SPOCK3: variants seen among roughly 807,000 people sequenced by gnomAD.
The protein encoded by SPOCK3 is testican-3.
Under a neutral mutation model 56.6 loss-of-function variants are expected in SPOCK3, and 30 were observed. The observed-to-expected ratio is 0.53, with a 90% CI of 0.40 to 0.72. SPOCK3 has a LOEUF of 0.72. Among genes scored for constraint, SPOCK3 ranks in the 30% least tolerant of loss-of-function variants. The pLI, the probability that SPOCK3 is intolerant of heterozygous loss-of-function variation, is 0.00. For missense variants in SPOCK3, 527 were observed against 530.0 expected (o/e 0.99, Z 0.06); for synonymous variants, 196 against 183.3 (o/e 1.07, Z -0.56).
chr4:167,155,387 G>C (rs1481831889), intron 2 of SPOCK3, among the ~76,000 whole-genome samples: 1 of 151,886 alleles, frequency 6.6e-6, no homozygotes, highest in East Asian at 1.9e-4. Flanking sequence ...CAAAGAGCTG[G>C]GATTACAGGC....
intron 4 of SPOCK3, among the ~76,000 whole-genome samples, chr4:166,921,323 ATT>A (rs746455090): frequency 1.4e-4 from 20 of 138,174 alleles, no homozygotes; most frequent in African/African-American, 1.8e-4. Context: ...CATGTGTTGA[ATT>A]TTTTTTTTTT....
At chr4:166,856,377 T>C (rs1317147759) in intron 6 of SPOCK3, among the ~76,000 whole-genome samples, 1 of 152,228 alleles carries the variant, frequency 6.6e-6, no homozygotes, top group Admixed American at 6.5e-5. Context: ...ATATTGAGGC[T>C]ATGCTAATTA....
intron 2 of SPOCK3, among the ~76,000 whole-genome samples, chr4:167,205,326 AATATATATT>A (rs1734023776): frequency 1.5e-4 from 6 of 39,264 alleles, no homozygotes; most frequent in Admixed American, 8.9e-4. Context: ...TTATATATAT[AATATATATT>A]ATATATTATA....
At chr4:166,965,149 A>C (rs996181144) in intron 4 of SPOCK3, among the ~76,000 whole-genome samples, 2 of 151,968 alleles carry the variant, frequency 1.3e-5, no homozygotes. Flanking sequence ...GCTTTTTATT[A>C]TTAATTATTT....
chr4:167,172,001 G>A (rs1027288023), intron 2 of SPOCK3, among the ~76,000 whole-genome samples: 1 of 152,000 alleles, frequency 6.6e-6, no homozygotes, highest in African/African-American at 2.4e-5. Context: ...AGATATGGAA[G>A]GAGATGAACT....
chr4:167,219,116 C>T (rs1735648088), intron 2 of SPOCK3, among the ~76,000 whole-genome samples: 1 of 152,076 alleles, frequency 6.6e-6, no homozygotes, highest in Non-Finnish European at 1.5e-5. Flanking sequence ...AAAAGTTTTG[C>T]CTCAGGGATT....
intron 2 of SPOCK3, among the ~76,000 whole-genome samples, chr4:167,187,684 G>T (rs900068725): frequency 6.6e-6 from 1 of 151,660 alleles, no homozygotes; most frequent in Admixed American, 6.6e-5. Context: ...CTTTTGATTA[G>T]GAACTTCCAT....
chr4:166,800,188 A>AAAAAAAAAATAAAAAAT, intron 6 of SPOCK3, among the ~76,000 whole-genome samples: 1 of 128,498 alleles, frequency 7.8e-6, no homozygotes, highest in African/African-American at 2.6e-5. Context: ...TCTCAGAAAA[A>AAAAAAAAAATAAAAAAT]AAAAAAAAAA....
At chr4:167,095,019 G>A (rs568988349) in intron 2 of SPOCK3, among the ~76,000 whole-genome samples, 5 of 152,174 alleles carry the variant, frequency 3.3e-5, no homozygotes, top group African/African-American at 4.8e-5. Flanking sequence ...CTCTCAGCTC[G>A]AAGACAGTCA....
intron 6 of SPOCK3, among the ~76,000 whole-genome samples, chr4:166,801,395 G>T (rs1023194513): frequency 6.6e-6 from 1 of 152,058 alleles, no homozygotes; most frequent in South Asian, 2.1e-4. Flanking sequence ...ACACATGACC[G>T]TATATGGTAG....
At position 166,948,450 on chromosome 4, in the gene SPOCK3, T is replaced by A. The variant is rs943378845; in HGVS notation, c.351-35707A>T. Among the ~76,000 whole-genome samples the A allele has an allele frequency of 2.0e-5, 3 of 152,294 alleles. No homozygotes were observed. In the South Asian group the frequency reaches 6.2e-4, roughly 32 times the overall value. On this transcript the variant is annotated intron_variant, in intron 4 of 10. Coordinates refer to ENST00000357545, the MANE Select transcript of SPOCK3 (RefSeq NM_001040159.2). ...GAGGAATCTCCACACTATTTTTCCA[T>A]AATGGGAGTACTAATTTGTATTCCT...
intron 6 of SPOCK3, among the ~76,000 whole-genome samples, chr4:166,868,576 A>AG (rs1732116712): frequency 6.6e-6 from 1 of 152,196 alleles, no homozygotes; most frequent in African/African-American, 2.4e-5. Context: ...TAATCTCAGG[A>AG]GGATGACCAT....
intron 4 of SPOCK3, among the ~76,000 whole-genome samples, chr4:166,978,443 C>A (rs531895805): frequency 6.6e-6 from 1 of 152,204 alleles, no homozygotes; most frequent in Admixed American, 6.5e-5. Flanking sequence ...ATTGTTTGAA[C>A]AAAATTTTAA....
At chr4:167,023,070 A>AT (rs948373582) in intron 3 of SPOCK3, among the ~76,000 whole-genome samples, 8 of 150,026 alleles carry the variant, frequency 5.3e-5, no homozygotes, top group East Asian at 2.0e-4. Flanking sequence ...ATGCACAGGA[A>AT]TTTTTTTTTT....
intron 7 of SPOCK3, among the ~76,000 whole-genome samples, chr4:166,766,130 C>A (rs1242348175): frequency 6.6e-6 from 1 of 152,158 alleles, no homozygotes; most frequent in Non-Finnish European, 1.5e-5. Context: ...ATGTCATCTG[C>A]AAACAGGGAC....
chr4:167,152,698 G>A (rs1033218183), intron 2 of SPOCK3, among the ~76,000 whole-genome samples: 3 of 151,990 alleles, frequency 2.0e-5, no homozygotes, highest in South Asian at 2.1e-4. Flanking sequence ...ATTTCAAGAG[G>A]ATAAATCATA....
At chr4:166,827,928 C>A (rs1745651765) in intron 6 of SPOCK3, among the ~76,000 whole-genome samples, 1 of 151,530 alleles carries the variant, frequency 6.6e-6, no homozygotes, top group South Asian at 2.1e-4. Flanking sequence ...TATTACAGAG[C>A]ATCTCTCTTT....
At chr4:166,922,063 T>C (rs1738552665) in intron 4 of SPOCK3, among the ~76,000 whole-genome samples, 1 of 152,118 alleles carries the variant, frequency 6.6e-6, no homozygotes, top group Non-Finnish European at 1.5e-5. Flanking sequence ...GTGGCATTAG[T>C]GCAAACCCTA....
intron 2 of SPOCK3, among the ~76,000 whole-genome samples, chr4:167,130,149 A>G (rs1475844478): frequency 6.6e-6 from 1 of 152,048 alleles, no homozygotes; most frequent in African/African-American, 2.4e-5. Context: ...TCAGTTTTGT[A>G]GAGAGAGGTT....
Sources: allele counts gnomAD v4.1 joint callset (sites outside exome capture counted in the v4.1 genomes callset), GRCh38; gene constraint gnomAD v4.1.1; transcripts MANE v1.5; gene names NCBI Gene and HGNC (gene_info 2026-07-23, HGNC 2026-07-21).